The following NBEAL1 variants were observed in gnomAD, a reference collection of about 807,000 sequenced individuals.
The protein encoded by NBEAL1 is neurobeachin-like protein 1.
A neutral mutation model predicts 351.3 loss-of-function variants in NBEAL1; 273 were observed. The observed-to-expected ratio is 0.78, with a 90% CI of 0.70 to 0.86. The LOEUF is 0.86. NBEAL1 is among the 40% of genes least tolerant of loss of function. The pLI is 0.00. For synonymous variants in NBEAL1, 1,050 were observed against 1,086.4 expected, an observed-to-expected ratio of 0.97 and a Z score of 0.66; for missense variants, 2,961 against 3,201.3, an observed-to-expected ratio of 0.92 and a Z score of 1.81.
chr2:203,102,438 C>T (rs967537941), intron 12 of NBEAL1, among the ~76,000 whole-genome samples: 1 of 152,152 alleles, frequency 6.6e-6, no homozygotes, highest in African/African-American at 2.4e-5. Context: ...ATGATGTTGG[C>T]TGTGGGTTTG....
rs2065970269 is a variant in NBEAL1, at chr2:203,223,362, AAC to A, written c.*6012_*6013del. Among the ~76,000 whole-genome samples the A allele has an allele frequency of 6.6e-6, 1 of 151,236 alleles. No homozygotes were observed. Among genetic ancestry groups the A allele is most frequent in the South Asian group, 2.1e-4 (1 of 4,834 alleles). On this transcript the variant is annotated 3_prime_UTR_variant, in exon 56 of 56. Transcript: ENST00000683969. ...TTGCAAATATAACAATAATAGTAAT[AAC>A]ACAATTTTGTCATTTAAAAAATTAC...
intron 54 of NBEAL1, among the ~76,000 whole-genome samples, chr2:203,212,629 G>A (rs894889099): frequency 1.3e-5 from 2 of 150,612 alleles, no homozygotes; most frequent in Admixed American, 6.6e-5. Context: ...AAAAAGACTA[G>A]TTGGGGAAAT....
intron 6 of NBEAL1, among the ~76,000 whole-genome samples, chr2:203,064,326 T>C (rs998296576): frequency 6.6e-6 from 1 of 152,230 alleles, no homozygotes; most frequent in African/African-American, 2.4e-5. Flanking sequence ...GTGCTAGGAT[T>C]ACAGGTGTGA....
intron 33 of NBEAL1, 34 bp downstream of exon 33, chr2:203,145,194 T>G (rs1363901265): frequency 4.4e-6 from 7 of 1,576,108 alleles, no homozygotes; most frequent in Non-Finnish European, 6.0e-6. Flanking sequence ...CTAGTTTTTC[T>G]TGTTGATTTT....
chr2:203,101,093 G>A (rs561365200), intron 12 of NBEAL1, among the ~76,000 whole-genome samples: 1 of 152,158 alleles, frequency 6.6e-6, no homozygotes, highest in African/African-American at 2.4e-5. Context: ...TGTTTTTGTT[G>A]CAGTTACTTT....
At chr2:203,025,832 GC>G (rs912865067) in intron 2 of NBEAL1, among the ~76,000 whole-genome samples, 22 of 152,180 alleles carry the variant, frequency 1.4e-4, no homozygotes, top group African/African-American at 5.3e-4. Context: ...GTCAGTACCT[GC>G]CCTGGCTACT....
At chr2:203,028,336 A>T (rs546545353) in intron 2 of NBEAL1, among the ~76,000 whole-genome samples, 3,022 of 152,054 alleles carry the variant, frequency 0.02, 105 homozygotes, top group African/African-American at 0.07. Context: ...GATTGGATTT[A>T]TGTTCTAAGA....
intron 7 of NBEAL1, among the ~76,000 whole-genome samples, chr2:203,068,905 T>C (rs1430091860): frequency 6.6e-6 from 1 of 152,054 alleles, no homozygotes; most frequent in African/African-American, 2.4e-5. Flanking sequence ...CATTTTTGTA[T>C]TTTTAGTAGA....
chr2:203,190,945 C>T (rs35605047), intron 46 of NBEAL1: 2 of 1,609,864 alleles, frequency 1.2e-6, no homozygotes, highest in African/African-American at 1.3e-5. Context: ...CTGGAAGGGC[C>T]TGAGGATTAC....
Position 203,218,791 on chromosome 2 carries a change from A to C in NBEAL1, c.*1437A>C, listed in dbSNP as rs1477837404. 4 of 152,138 alleles carry C rather than the reference A, an allele frequency of 2.6e-5. No individual in the cohort carries two copies. Among genetic ancestry groups the C allele is most frequent in the Non-Finnish European group, 5.9e-5 (4 of 68,014 alleles). The allele number at this position is 152,138 out of a possible 1,614,324, so 9.4% of individuals were successfully genotyped here. On this transcript the variant is annotated 3_prime_UTR_variant, in exon 56 of 56. Transcript: ENST00000683969. ...AAGAAATAAAGGATTCTGTTTAGGG[A>C]AACTTTTGAATAGATTTGATTTGAT...
At chr2:203,056,952 G>A (rs558998331) in intron 5 of NBEAL1, among the ~76,000 whole-genome samples, 1 of 152,092 alleles carries the variant, frequency 6.6e-6, no homozygotes, top group African/African-American at 2.4e-5. Context: ...TTATTGTTGG[G>A]TAATGCATAT....
intron 46 of NBEAL1, 110 bp downstream of exon 46, chr2:203,190,499 A>G: frequency 1.2e-6 from 1 of 817,062 alleles, no homozygotes; most frequent in South Asian, 1.7e-5. Context: ...ACTCTCAGTC[A>G]CAGAAAGATT....
intron 2 of NBEAL1, among the ~76,000 whole-genome samples, chr2:203,034,141 G>A (rs1478829931): frequency 2.0e-5 from 3 of 150,072 alleles, no homozygotes; most frequent in Non-Finnish European, 3.0e-5. Flanking sequence ...TCCCTAGTTC[G>A]TACATGGTTG....
chr2:203,169,990 CCTTT>C, intron 39 of NBEAL1, 139 bp downstream of exon 39: 1 of 587,854 alleles, frequency 1.7e-6, no homozygotes, highest in Non-Finnish European at 3.0e-6. Flanking sequence ...TTTGAATCTT[CCTTT>C]GTTTCCCTCA....
At position 203,190,650 on chromosome 2, in the gene NBEAL1, C is replaced by T. The variant is rs371613335; in HGVS notation, c.6921+261C>T. On this transcript the variant is annotated intron_variant, in intron 46 of 55. Coordinates refer to ENST00000683969, the MANE Select transcript of NBEAL1 (RefSeq NM_001378026.1). ...TAGCTAACATCTGCCCAAAAAGGCA[C>T]TTGCTTTCCAGAGCCCAAACCCAGT... 4.1e-4 allele frequency: 478 copies of T among 1,162,682 alleles called. 4 individuals carry two copies. The South Asian group carries it at 6.8e-3, about 16-fold the overall frequency. The allele number at this position is 1,162,682 out of a possible 1,614,324, so 72.0% of individuals were successfully genotyped here. A position where few individuals can be genotyped will look rare whatever the true frequency, so the allele number is the denominator to read the frequency against.
At chr2:203,192,963 C>CTCTTTTTTTTTTTTTTTTTTTTTTTT (rs1559053733) in intron 46 of NBEAL1, among the ~76,000 whole-genome samples, 1 of 99,332 alleles carries the variant, frequency 1.0e-5, no homozygotes. Context: ...TTCTTTCTTT[C>CTCTTTTTTTTTTTTTTTTTTTTTTTT]TTTTTTTTTT....
At chr2:203,176,673 A>G (rs1285588241) in intron 42 of NBEAL1, among the ~76,000 whole-genome samples, 3 of 150,842 alleles carry the variant, frequency 2.0e-5, no homozygotes, top group Admixed American at 6.6e-5. Flanking sequence ...CGGAGGTTGC[A>G]GTGAGCTGAG....
In NBEAL1 at chr2:203,083,425, C is replaced by T; in HGVS notation, c.891C>T (p.Asn297=). Residue 297 remains asparagine, a synonymous_variant, in exon 9 of 56, where the codon AAC becomes AAT. Transcript: ENST00000683969. ...RQVETSTILE[N]YFKLLNSDHS... ...TGGAAACCAGTACTATTCTGGAGAA[C>T]TATTTTAAATTGCTAAATTCAGATC... 6.4e-7 allele frequency: 1 copy of T among 1,554,228 alleles called. No individual in the cohort carries two copies. The highest frequency in any genetic ancestry group is 8.7e-7 in the Non-Finnish European group (1 of 1,147,594).
At chr2:203,068,662 T>A (rs1179290004) in intron 7 of NBEAL1, among the ~76,000 whole-genome samples, 187 bp downstream of exon 7, 1 of 152,218 alleles carries the variant, frequency 6.6e-6, no homozygotes, top group African/African-American at 2.4e-5. Context: ...TTTTATTTAA[T>A]TTGCTGTTCT....
Sources: gnomAD v4.1 joint callset for allele counts (sites outside exome capture counted in the v4.1 genomes callset) on GRCh38, gnomAD v4.1.1 for gene constraint, MANE v1.5 for transcripts, NCBI Gene and HGNC (gene_info 2026-07-23, HGNC 2026-07-21) for gene names.